The following ZNF385D variants were observed in gnomAD, a reference collection of about 807,000 sequenced individuals.
ZNF385D encodes zinc finger protein 659.
ZNF385D carries 15 observed loss-of-function variants against 35.8 expected under a neutral mutation model. The observed-to-expected ratio is 0.42, with a 90% CI of 0.28 to 0.64. ZNF385D has a LOEUF of 0.64. Among genes scored for constraint, ZNF385D ranks in the 30% least tolerant of loss-of-function variants. The pLI, the probability that ZNF385D is intolerant of heterozygous loss-of-function variation, is 0.23. For synonymous variants in ZNF385D, 212 were observed against 186.8 expected, an observed-to-expected ratio of 1.13 and a Z score of -1.10; for missense variants, 474 against 494.6, an observed-to-expected ratio of 0.96 and a Z score of 0.39.
intron 1 of ZNF385D, among the ~76,000 whole-genome samples, chr3:21,730,098 G>A (rs543995469): frequency 7.8e-4 from 118 of 152,250 alleles, no homozygotes; most frequent in African/African-American, 2.7e-3. Flanking sequence ...ACAACCTCCC[G>A]AAGAGACAGA....
Position 21,690,230 on chromosome 3 carries a change from TAC to T in ZNF385D, c.23-25204_23-25203del, listed in dbSNP as rs543588312. On this transcript the variant is annotated intron_variant, in intron 1 of 7. Coordinates refer to ENST00000281523, the MANE Select transcript of ZNF385D (RefSeq NM_024697.3). ...GTGCATATATACATATATACATCCATACACACACACATATTCATATACATCCA... is the reference window on the plus strand; with the variant it reads ...GTGCATATATACATATATACATCCATACACACACATATTCATATACATCCA... Among the ~76,000 whole-genome samples, 9 of 152,218 alleles carry T rather than the reference TAC, an allele frequency of 5.9e-5. No individual in the cohort carries two copies. In the South Asian group the frequency reaches 1.0e-3, roughly 18 times the overall value.
intron 2 of ZNF385D, among the ~76,000 whole-genome samples, chr3:22,304,004 C>T (rs1703067217): frequency 6.6e-6 from 1 of 152,178 alleles, no homozygotes; most frequent in Non-Finnish European, 1.5e-5. Context: ...TCTCGAACTC[C>T]TGACCTCAGG....
intron 2 of ZNF385D, among the ~76,000 whole-genome samples, chr3:22,293,703 T>C (rs1289691734): frequency 1.0e-3 from 159 of 152,138 alleles, no homozygotes; most frequent in Non-Finnish European, 1.5e-5. Flanking sequence ...CCGTGTTGAA[T>C]GTGGTTCTCA....
intron 4 of ZNF385D, among the ~76,000 whole-genome samples, chr3:21,454,581 G>C (rs371603642): frequency 6.6e-6 from 1 of 151,918 alleles, no homozygotes; most frequent in Non-Finnish European, 1.5e-5. Flanking sequence ...GTATTGATGG[G>C]ACGTATCTCA....
At chr3:21,882,099 A>G (rs533128882) in intron 3 of ZNF385D, among the ~76,000 whole-genome samples, 2 of 152,184 alleles carry the variant, frequency 1.3e-5, no homozygotes, top group South Asian at 2.1e-4. Context: ...AGAATATTAC[A>G]TTAACTTAGT....
At chr3:22,162,067 T>C (rs1054185283) in intron 3 of ZNF385D, among the ~76,000 whole-genome samples, 1 of 152,164 alleles carries the variant, frequency 6.6e-6, no homozygotes, top group Non-Finnish European at 1.5e-5. Context: ...CTTGGAACAG[T>C]TGATGCTAGT....
At chr3:21,802,554 T>TA (rs5847139) in intron 3 of ZNF385D, among the ~76,000 whole-genome samples, 39,208 of 151,376 alleles carry the variant, frequency 0.26, 5,299 homozygotes, top group Middle Eastern at 0.33. Context: ...TACATTGATT[T>TA]AAAAAAAAAT....
chr3:21,947,642 G>C (rs1367712151), intron 3 of ZNF385D, among the ~76,000 whole-genome samples: 1 of 152,088 alleles, frequency 6.6e-6, no homozygotes. Flanking sequence ...GAGCCACCGC[G>C]CCCGGCTATA....
intron 3 of ZNF385D, among the ~76,000 whole-genome samples, chr3:21,947,390 C>T (rs955189638): frequency 3.3e-5 from 5 of 151,988 alleles, no homozygotes; most frequent in African/African-American, 9.7e-5. Flanking sequence ...CTCGCTCTGT[C>T]GCCCAGATTG....
chr3:22,359,070 AAAC>A (rs1471272081), intron 2 of ZNF385D, among the ~76,000 whole-genome samples: 29 of 141,380 alleles, frequency 2.1e-4, no homozygotes, highest in Admixed American at 9.8e-4. Flanking sequence ...ACAAACAAAA[AAAC>A]CAAAAAAAAA....
intron 4 of ZNF385D, among the ~76,000 whole-genome samples, chr3:21,503,985 A>G (rs968213332): frequency 9.9e-5 from 15 of 152,160 alleles, no homozygotes; most frequent in Non-Finnish European, 2.1e-4. Context: ...GAAAAAGGGA[A>G]ACTGGATACA....
chr3:21,647,743 A>C (rs1280621107), intron 2 of ZNF385D, among the ~76,000 whole-genome samples: 2 of 152,118 alleles, frequency 1.3e-5, no homozygotes, highest in Non-Finnish European at 2.9e-5. Flanking sequence ...TTTCATTTTA[A>C]ATGTAGCTTT....
At chr3:22,278,012 C>T (rs1398306551) in intron 2 of ZNF385D, among the ~76,000 whole-genome samples, 2 of 152,044 alleles carry the variant, frequency 1.3e-5, no homozygotes, top group African/African-American at 4.8e-5. Context: ...TCAGTGCTCT[C>T]CCTTGCGCTC....
intron 3 of ZNF385D, among the ~76,000 whole-genome samples, chr3:21,824,937 CAA>C (rs1219064954): frequency 6.6e-6 from 1 of 152,038 alleles, no homozygotes; most frequent in Non-Finnish European, 1.5e-5. Context: ...GCATTTCAAA[CAA>C]AATTACTTTT....
chr3:22,277,757 T>C (rs935170194), intron 2 of ZNF385D, among the ~76,000 whole-genome samples: 2 of 152,100 alleles, frequency 1.3e-5, no homozygotes, highest in Admixed American at 6.6e-5. Flanking sequence ...TTTAGATTCA[T>C]AGCTCAGGTT....
chr3:22,124,329 T>C (rs1330806346), intron 3 of ZNF385D, among the ~76,000 whole-genome samples: 4 of 152,204 alleles, frequency 2.6e-5, no homozygotes, highest in Non-Finnish European at 4.4e-5. Context: ...CATTCATCTG[T>C]TGATGGACAC....
chr3:21,932,372 T>C (rs1446153454), intron 3 of ZNF385D, among the ~76,000 whole-genome samples: 1 of 151,904 alleles, frequency 6.6e-6, no homozygotes, highest in Non-Finnish European at 1.5e-5. Context: ...GTTTTCAGTA[T>C]ATAACGCAGC....
At chr3:22,111,114 C>T (rs1702495206) in intron 3 of ZNF385D, among the ~76,000 whole-genome samples, 2 of 133,468 alleles carry the variant, frequency 1.5e-5, no homozygotes, top group Admixed American at 7.8e-5. Context: ...GGATGAAAAT[C>T]TACAGTAAAG....
intron 4 of ZNF385D, among the ~76,000 whole-genome samples, chr3:21,464,731 AAAAT>A (rs1403048504): frequency 8.1e-4 from 47 of 57,676 alleles, no homozygotes; most frequent in African/African-American, 4.6e-3. Flanking sequence ...CAGCTGCCAA[AAAAT>A]AAATTAAAAC....
Sources: gnomAD v4.1 joint callset for allele counts (sites outside exome capture counted in the v4.1 genomes callset) on GRCh38, gnomAD v4.1.1 for gene constraint, MANE v1.5 for transcripts, NCBI Gene and HGNC (gene_info 2026-07-23, HGNC 2026-07-21) for gene names.